The following GPATCH8 variants were observed in gnomAD, a reference collection of about 807,000 sequenced individuals.
The protein encoded by GPATCH8 is G patch domain-containing protein 8.
A neutral mutation model predicts 118.3 loss-of-function variants in GPATCH8; 18 were observed. That is an observed-to-expected ratio of 0.15 (90% CI 0.11 to 0.23). The LOEUF is 0.23. GPATCH8 is among the 10% of genes least tolerant of loss of function. The pLI, the probability that GPATCH8 is intolerant of heterozygous loss-of-function variation, is 1.00. For missense variants in GPATCH8, 1,631 were observed against 1,873.8 expected, an observed-to-expected ratio of 0.87 and a Z score of 2.39; for synonymous variants, 659 against 684.7, an observed-to-expected ratio of 0.96 and a Z score of 0.59.
intron 3 of GPATCH8, among the ~76,000 whole-genome samples, chr17:44,454,412 T>C (rs954308565): frequency 6.6e-6 from 1 of 152,228 alleles, no homozygotes; most frequent in African/African-American, 2.4e-5. Context: ...CACATGCCAC[T>C]GGAACTGCAA....
At chr17:44,430,627 A>G (rs1217902632) in intron 5 of GPATCH8, among the ~76,000 whole-genome samples, 3 of 151,676 alleles carry the variant, frequency 2.0e-5, no homozygotes, top group African/African-American at 7.3e-5. Context: ...GAAAGACGAC[A>G]GGAATGTTCA....
intron 1 of GPATCH8, among the ~76,000 whole-genome samples, chr17:44,494,304 T>C (rs1969499463): frequency 6.6e-6 from 1 of 152,002 alleles, no homozygotes; most frequent in African/African-American, 2.4e-5. Context: ...TAAAATCACA[T>C]GGTCCGGCCG....
intron 1 of GPATCH8, among the ~76,000 whole-genome samples, chr17:44,489,175 G>A (rs964043045): frequency 5.3e-5 from 8 of 152,216 alleles, no homozygotes; most frequent in Admixed American, 1.3e-4. Context: ...AAATGTGCTT[G>A]CATGCTACCC....
chr17:44,402,697 G>T (rs1296478821), intron 7 of GPATCH8, among the ~76,000 whole-genome samples: 1 of 152,120 alleles, frequency 6.6e-6, no homozygotes, highest in African/African-American at 2.4e-5. Flanking sequence ...GTTAAACATA[G>T]AAACTTCCAC....
chr17:44,402,724 G>T (rs999059241), intron 7 of GPATCH8, among the ~76,000 whole-genome samples: 2 of 152,188 alleles, frequency 1.3e-5, no homozygotes, highest in Admixed American at 1.3e-4. Flanking sequence ...ACTTATGGCA[G>T]TCTGTGGTCA....
chr17:44,418,170 A>G (rs7213468), intron 6 of GPATCH8, among the ~76,000 whole-genome samples: 4,605 of 151,712 alleles, frequency 0.03, 215 homozygotes, highest in African/African-American at 0.11. Context: ...AAAGAGGAAG[A>G]AAGGAAGGGA....
At chr17:44,472,567 T>C (rs1315012326) in intron 2 of GPATCH8, among the ~76,000 whole-genome samples, 1 of 152,228 alleles carries the variant, frequency 6.6e-6, no homozygotes, top group Non-Finnish European at 1.5e-5. Context: ...TACTGTTGAG[T>C]ATCCACAGAA....
intron 3 of GPATCH8, among the ~76,000 whole-genome samples, chr17:44,444,468 CTTTAG>C (rs1314751822): frequency 6.6e-6 from 1 of 151,468 alleles, no homozygotes; most frequent in Non-Finnish European, 1.5e-5. Flanking sequence ...ACAGTTAAGT[CTTTAG>C]TTTAAAGAAA....
intron 1 of GPATCH8, among the ~76,000 whole-genome samples, chr17:44,478,410 G>A (rs1425278697): frequency 3.3e-5 from 5 of 152,116 alleles, no homozygotes; most frequent in Non-Finnish European, 7.3e-5. Context: ...AGCACTTCGG[G>A]AGGCTGAAGT....
chr17:44,499,118 C>T (rs762632398), intron 1 of GPATCH8, among the ~76,000 whole-genome samples: 2 of 152,110 alleles, frequency 1.3e-5, no homozygotes, highest in Non-Finnish European at 2.9e-5. Flanking sequence ...TGTCTTGTTT[C>T]TCTTATCAAC....
Position 44,398,464 on chromosome 17 carries a change from G to T in GPATCH8, c.3613C>A (p.Pro1205Thr), listed in dbSNP as rs146140295. The T allele has an allele frequency of 2.8e-5, 45 of 1,611,400 alleles. No individual in the cohort carries two copies. In the African/African-American group the frequency reaches 3.3e-4, roughly 12 times the overall value. ...CCAGACTTTGACTCTTCTGGGGGTG[G>T]GTCTAATAAGGGGCCAGTTGTTTCC... ...SEETTGPLLD[P>T]PPEESKSGEA... The change falls in exon 8 of 8, where the codon CCA becomes ACA. Residue 1205 changes from proline (P) to threonine (T), a missense_variant. By Grantham distance (38) the Pro-to-Thr change is conservative. Coordinates refer to ENST00000591680, the MANE Select transcript of GPATCH8 (RefSeq NM_001002909.4).
intron 6 of GPATCH8, among the ~76,000 whole-genome samples, chr17:44,423,349 G>A (rs1182430542): frequency 5.9e-5 from 9 of 152,150 alleles, no homozygotes; most frequent in Non-Finnish European, 1.2e-4. Flanking sequence ...TTAAATGGGG[G>A]AGACTGTTCC....
At chr17:44,434,419 G>C (rs561696550) in intron 5 of GPATCH8, among the ~76,000 whole-genome samples, 5 of 152,120 alleles carry the variant, frequency 3.3e-5, no homozygotes, top group African/African-American at 1.2e-4. Context: ...AAACAAGAAA[G>C]GGGGTCAAGC....
intron 5 of GPATCH8, among the ~76,000 whole-genome samples, chr17:44,431,217 CA>C (rs1026394351): frequency 6.6e-6 from 1 of 150,392 alleles, no homozygotes; most frequent in African/African-American, 2.4e-5. Context: ...CTAAAAATAC[CA>C]AAATAATTCG....
chr17:44,413,399 T>C (rs2049522797), intron 6 of GPATCH8, among the ~76,000 whole-genome samples: 1 of 152,052 alleles, frequency 6.6e-6, no homozygotes, highest in African/African-American at 2.4e-5. Context: ...GCCTCCCACG[T>C]AGCTGGGATT....
At chr17:44,496,526 C>A (rs759747995) in intron 1 of GPATCH8, among the ~76,000 whole-genome samples, 2 of 152,132 alleles carry the variant, frequency 1.3e-5, no homozygotes, top group Admixed American at 6.5e-5. Context: ...AGACCAAATG[C>A]GTATTACAAA....
At chr17:44,463,736 G>A (rs1016576446) in intron 3 of GPATCH8, among the ~76,000 whole-genome samples, 6 of 152,200 alleles carry the variant, frequency 3.9e-5, no homozygotes, top group African/African-American at 1.4e-4. Flanking sequence ...ACAAACAGTA[G>A]CTCTTGAATC....
At chr17:44,467,951 A>C (rs1966930717) in intron 2 of GPATCH8, among the ~76,000 whole-genome samples, 1 of 151,880 alleles carries the variant, frequency 6.6e-6, no homozygotes, top group African/African-American at 2.4e-5. Context: ...CAAGCAATCT[A>C]TTCTCTCTGT....
intron 3 of GPATCH8, among the ~76,000 whole-genome samples, chr17:44,462,639 A>G (rs2051598876): frequency 6.6e-6 from 1 of 152,214 alleles, no homozygotes. Context: ...ATGTGTCACC[A>G]GTCAATAGAA....
Sources: gnomAD v4.1 joint callset for allele counts (sites outside exome capture counted in the v4.1 genomes callset) on GRCh38, gnomAD v4.1.1 for gene constraint, MANE v1.5 for transcripts, NCBI Gene and HGNC (gene_info 2026-07-23, HGNC 2026-07-21) for gene names.